Variants in BNIP2 observed in about 807,000 individuals in gnomAD.
BNIP2 encodes the protein BCL2/adenovirus E1B 19 kDa protein-interacting protein 2.
In BNIP2, 36 loss-of-function variants were observed where a neutral mutation model predicts 43.4. That is an observed-to-expected ratio of 0.83 (90% CI 0.64 to 1.10). BNIP2 has a LOEUF of 1.10. Among genes scored for constraint, BNIP2 ranks in the 50% least tolerant of loss-of-function variants. The pLI, the probability that BNIP2 is intolerant of heterozygous loss-of-function variation, is 0.00. For missense variants in BNIP2, 417 were observed against 374.1 expected, an observed-to-expected ratio of 1.11 and a Z score of -0.95; for synonymous variants, 146 against 121.0, an observed-to-expected ratio of 1.21 and a Z score of -1.35.
At chr15:59,665,288 A>G (rs1264711107) in intron 9 of BNIP2, 2 of 151,982 alleles carry the variant, frequency 1.3e-5, no homozygotes, top group African/African-American at 2.4e-5. Context: ...AATAAAAAAA[A>G]AGAATTTAAC....
intron 5 of BNIP2, among the ~76,000 whole-genome samples, chr15:59,675,949 C>G (rs6151533): frequency 0.33 from 49,969 of 151,978 alleles, 8,540 homozygotes; most frequent in East Asian, 0.54. Context: ...GCTACCGAAG[C>G]TGAGTATTCA....
In BNIP2 at chr15:59,660,414, C is replaced by A. The variant is rs1273885830; in HGVS notation, c.*3655G>T. On this transcript the variant is annotated 3_prime_UTR_variant, in exon 10 of 10. Transcript: ENST00000607373. ...AAGTTTAACACTTCTCCACATATAACATGGAAAAAGGAAGGATGAACCTAC... is the reference window on the plus strand; with the variant it reads ...AAGTTTAACACTTCTCCACATATAAAATGGAAAAAGGAAGGATGAACCTAC... 1 of 152,138 alleles carries A rather than the reference C, an allele frequency of 6.6e-6. No homozygotes were observed. The highest frequency in any genetic ancestry group is 1.5e-5 in the Non-Finnish European group (1 of 68,034). 9.4% of individuals were successfully genotyped at this position (152,138 alleles called of 1,614,324 possible).
intron 1 of BNIP2, chr15:59,688,512 A>AGG (rs1228137697): frequency 1.2e-5 from 6 of 506,048 alleles, no homozygotes; most frequent in East Asian, 7.8e-5. Context: ...AAGAGCTCAC[A>AGG]AGACACAGAC....
Position 59,684,647 on chromosome 15 carries a change from G to A in BNIP2, c.-57-2133C>T, listed in dbSNP as rs571282074. Among the ~76,000 whole-genome samples the A allele has an allele frequency of 2.0e-5, 3 of 152,254 alleles. No homozygotes were observed. The East Asian group carries it at 5.8e-4, about 29-fold the overall frequency. On this transcript the variant is annotated intron_variant, in intron 1 of 9. Coordinates refer to ENST00000607373, the MANE Select transcript of BNIP2 (RefSeq NM_004330.4). ...TGTTTAATTTACTGTATTTCCCAAT[G>A]TTTAACTTTTCTTAAGTCTTTGGTA...
intron 4 of BNIP2, chr15:59,678,877 C>A (rs1057149622): frequency 3.1e-5 from 40 of 1,299,284 alleles, no homozygotes; most frequent in Middle Eastern, 2.1e-4. Context: ...CACATAGGCA[C>A]AAAACTATTT....
At position 59,677,029 on chromosome 15, in the gene BNIP2, T is replaced by C. The variant is rs1197583771; in HGVS notation, c.472+882A>G. On this transcript the variant is annotated intron_variant, in intron 5 of 9. Coordinates refer to ENST00000607373, the MANE Select transcript of BNIP2 (RefSeq NM_004330.4). ...TGAAGATTGATCAGGAGACTGTTAA[T>C]CATTGATTCCCTTGGCATTCAGATG... The C allele has an allele frequency of 3.7e-6, 6 of 1,612,256 alleles. No individual in the cohort carries two copies. In the Admixed American group the frequency reaches 6.7e-5, roughly 18 times the overall value.
chr15:59,676,662 A>T (rs532425551), intron 5 of BNIP2: 2 of 596,282 alleles, frequency 3.4e-6, no homozygotes, highest in South Asian at 4.2e-5. Flanking sequence ...AGTTTCTAAA[A>T]GTATTTAGAA....
Position 59,678,052 on chromosome 15 carries a change from T to C in BNIP2, c.331A>G (p.Arg111Gly). Residue 111 changes from arginine (R) to glycine (G), a missense_variant, in exon 5 of 10, where the codon AGG becomes GGG. Arg to Gly is a moderately radical substitution (Grantham distance 125, BLOSUM62 -2). Transcript: ENST00000607373. The stretch of plus-strand genomic sequence containing the variant: ...GTGTATTCAGTAATTGAGCCTTTCC[T>C]AATTACTTCAGTAGTCTTGGGTTTT... ...LPKPKTTEVI[R>G]KGSITEYTAA... 4 of 1,613,264 alleles carry C rather than the reference T, an allele frequency of 2.5e-6. No homozygotes were observed. The highest frequency in any genetic ancestry group is 1.3e-5 in the African/African-American group (1 of 75,030).
intron 5 of BNIP2, chr15:59,676,617 T>C (rs1366085463): frequency 8.9e-6 from 5 of 564,280 alleles, no homozygotes; most frequent in Non-Finnish European, 1.6e-5. Context: ...GAAATGCTTA[T>C]TATTCTTTCA....
chr15:59,685,115 G>A (rs1163201375), intron 1 of BNIP2, among the ~76,000 whole-genome samples: 4 of 152,124 alleles, frequency 2.6e-5, no homozygotes, highest in African/African-American at 9.7e-5. Flanking sequence ...GTTCCTCACT[G>A]GTAAGAGGAA....
intron 2 of BNIP2, among the ~76,000 whole-genome samples, chr15:59,680,589 C>T (rs1460860061): frequency 2.0e-5 from 3 of 152,144 alleles, no homozygotes; most frequent in Admixed American, 1.3e-4. Flanking sequence ...TTAGTAGAGA[C>T]AGGGTCTTGC....
At chr15:59,674,317 T>G (rs1893131548) in intron 5 of BNIP2, among the ~76,000 whole-genome samples, 1 of 152,172 alleles carries the variant, frequency 6.6e-6, no homozygotes, top group Non-Finnish European at 1.5e-5. Context: ...CTTCACTACC[T>G]TTCTTAATCA....
rs538950734 is a variant in BNIP2 at position 59,670,950 on chromosome 15, G to A, written c.707+233C>T. On this transcript the variant is annotated intron_variant, in intron 7 of 9. Coordinates refer to ENST00000607373, the MANE Select transcript of BNIP2 (RefSeq NM_004330.4). ...TAGCTGGGCGTGGTGGCGCATGCCT[G>A]TAATCCCAGCTACTTGGGAGGCTGA... Among the ~76,000 whole-genome samples, 17 of 152,208 alleles carry A rather than the reference G, an allele frequency of 1.1e-4. No homozygotes were observed. The East Asian group carries it at 3.3e-3, about 29-fold the overall frequency.
intron 9 of BNIP2, among the ~76,000 whole-genome samples, chr15:59,666,328 T>C (rs972625196): frequency 7.2e-5 from 11 of 152,166 alleles, no homozygotes; most frequent in Admixed American, 7.2e-4. Flanking sequence ...TATCATATCA[T>C]GCAGTTGTCA....
intron 9 of BNIP2, among the ~76,000 whole-genome samples, chr15:59,667,889 C>T (rs959649937): frequency 7.9e-5 from 12 of 152,296 alleles, no homozygotes; most frequent in Middle Eastern, 3.4e-3. Flanking sequence ...TTTTTAATTG[C>T]TAATTGGCAT....
Position 59,679,718 on chromosome 15 carries a change from C to G in BNIP2, c.169G>C (p.Asp57His). Residue 57 changes from aspartate to histidine, a missense_variant, in exon 4 of 10, where the codon GAC (aspartate) becomes CAC (histidine). Physicochemically the swap from Asp to His is moderately conservative, Grantham distance 81. Transcript: ENST00000607373. ...CTAGGATCCAGTGTCAGGCTAATGT[C>G]TGGAGCCATTAGTTTCTTTCTCACT... Reference protein sequence around the residue: ...NKVRKKLMAPDISLTLDPSDG... With the variant: ...NKVRKKLMAPHISLTLDPSDG... The G allele has an allele frequency of 6.3e-7, 1 of 1,580,858 alleles. No homozygotes were observed. The highest frequency in any genetic ancestry group is 8.6e-7 in the Non-Finnish European group (1 of 1,168,890).
At chr15:59,683,766 C>T (rs1421866215) in intron 1 of BNIP2, among the ~76,000 whole-genome samples, 1 of 152,124 alleles carries the variant, frequency 6.6e-6, no homozygotes, top group Non-Finnish European at 1.5e-5. Flanking sequence ...TTGCAGCGAG[C>T]CGAGGTCACA....
intron 1 of BNIP2, among the ~76,000 whole-genome samples, chr15:59,685,258 G>C (rs1467278681): frequency 3.9e-5 from 6 of 152,140 alleles, no homozygotes; most frequent in African/African-American, 1.4e-4. Context: ...CCAGCACTTT[G>C]GGAGGCTGAG....
intron 5 of BNIP2, among the ~76,000 whole-genome samples, chr15:59,675,735 C>T (rs6494137): frequency 0.99 from 151,342 of 152,366 alleles, 75,167 homozygotes; most frequent in Middle Eastern, 1. Context: ...TAAAAAAAAA[C>T]GGATAAGCAA....
Sources: gnomAD v4.1 joint callset for allele counts (sites outside exome capture counted in the v4.1 genomes callset) on GRCh38, gnomAD v4.1.1 for gene constraint, MANE v1.5 for transcripts, NCBI Gene and HGNC (gene_info 2026-07-23, HGNC 2026-07-21) for gene names.